The following GNAT3 variants were observed in gnomAD, a reference collection of about 807,000 sequenced individuals.
The protein encoded by GNAT3 is G protein subunit alpha transducin 3.
A neutral mutation model predicts 37.7 loss-of-function variants in GNAT3; 31 were observed. That is an observed-to-expected ratio of 0.82 (90% CI 0.62 to 1.11). The LOEUF (loss-of-function observed/expected upper bound fraction) is 1.11, where lower values mean the gene tolerates loss of function less well. Among genes scored for constraint, GNAT3 ranks in the 50% most tolerant of loss-of-function variants. GNAT3 has a pLI of 0.00. For missense variants in GNAT3, 437 were observed against 412.5 expected (o/e 1.06, Z -0.51); for synonymous variants, 138 against 139.8 (o/e 0.99, Z 0.09).
intron 1 of GNAT3, among the ~76,000 whole-genome samples, chr7:80,502,649 A>AT (rs963990279): frequency 6.6e-6 from 1 of 152,002 alleles, no homozygotes; most frequent in Non-Finnish European, 1.5e-5. Context: ...TACTAGAGTT[A>AT]TCCCTCCTAA....
At chr7:80,482,321 A>G (rs893484677) in intron 3 of GNAT3, among the ~76,000 whole-genome samples, 4 of 152,120 alleles carry the variant, frequency 2.6e-5, no homozygotes, top group Admixed American at 6.6e-5. Flanking sequence ...TCCTTCCACT[A>G]TTAAAGTGCT....
intron 2 of GNAT3, among the ~76,000 whole-genome samples, chr7:80,489,093 T>G (rs1584185598): frequency 6.6e-6 from 1 of 152,210 alleles, no homozygotes; most frequent in East Asian, 1.9e-4. Flanking sequence ...CATTCATGAC[T>G]TTTCCTATCA....
intron 1 of GNAT3, among the ~76,000 whole-genome samples, chr7:80,498,076 A>G (rs149526360): frequency 2.0e-5 from 3 of 152,208 alleles, no homozygotes; most frequent in African/African-American, 4.8e-5. Context: ...TTTATTCACT[A>G]TATGTTATTG....
Position 80,458,645 on chromosome 7 carries a change from G to C in GNAT3, c.*26C>G. 3.0e-6 allele frequency: 4 copies of C among 1,346,398 alleles called. No homozygotes were observed. The highest frequency in any genetic ancestry group is 4.1e-6 in the Non-Finnish European group (4 of 987,294). 83.4% of individuals were successfully genotyped at this position (1,346,398 alleles called of 1,614,324 possible). ...TTTATATTTTGAAAAGCATACATGA[G>C]CAAGAGTGGAAGAGAAAATAGTTGA... On this transcript the variant is annotated 3_prime_UTR_variant, in exon 8 of 8. Transcript: ENST00000398291.
Position 80,469,992 on chromosome 7 carries a change from A to G in GNAT3, c.590+4259T>C, listed in dbSNP as rs116314374. Among the ~76,000 whole-genome samples the G allele has an allele frequency of 8.0e-3, 1,224 of 152,276 alleles. 32 individuals are homozygous for G. The highest frequency in any genetic ancestry group is 0.066 in the East Asian group (344 of 5,176). ...GATATTTTAAAATATTTTGTAACAA[A>G]ATTTAAATATTTCCAAATTTTATTG... On this transcript the variant is annotated intron_variant, in intron 5 of 7. Transcript: ENST00000398291.
intron 2 of GNAT3, among the ~76,000 whole-genome samples, chr7:80,491,104 G>GA (rs1790582987): frequency 6.6e-6 from 1 of 152,124 alleles, no homozygotes; most frequent in Admixed American, 6.6e-5. Context: ...GAAGAGAAGG[G>GA]AGGTAGAAGC....
Position 80,494,637 on chromosome 7 carries a change from T to A in GNAT3, c.129A>T (p.Glu43Asp). The A allele has an allele frequency of 2.6e-6, 4 of 1,526,648 alleles. 1 individual carries two copies. The South Asian group carries it at 4.7e-5, about 18-fold the overall frequency. 94.6% of individuals were successfully genotyped at this position (1,526,648 alleles called of 1,614,324 possible). A position where few individuals can be genotyped will look rare whatever the true frequency, so the allele number is the denominator to read the frequency against. ...GTTTAACAATAGTACTTTTCCCAGA[T>A]TCTCCTGCTCCTGCAACATAAAAAG... is the stretch of plus-strand genomic sequence containing the variant. ...TVKLLLLGAG[E>D]SGKSTIVKQM... Residue 43 changes from glutamate (E) to aspartate (D), a missense_variant, in exon 2 of 8, where the codon GAA becomes GAT. Glu to Asp is a conservative substitution (Grantham distance 45). Coordinates refer to ENST00000398291, the MANE Select transcript of GNAT3 (RefSeq NM_001102386.3).
At chr7:80,473,291 T>A (rs1236483886) in intron 5 of GNAT3, among the ~76,000 whole-genome samples, 3 of 152,176 alleles carry the variant, frequency 2.0e-5, no homozygotes. Flanking sequence ...CCGTATTAGT[T>A]GAAAATATAC....
Position 80,463,329 on chromosome 7 carries a change from T to A in GNAT3, c.591-698A>T, listed in dbSNP as rs139616173. Among the ~76,000 whole-genome samples the A allele has an allele frequency of 6.8e-3, 1,032 of 152,214 alleles. 9 individuals are homozygous for A. Among genetic ancestry groups the A allele is most frequent in the African/African-American group, 0.024 (996 of 41,552 alleles). ...TCTACTTTTATATTTTGGTAAGAGA[T>A]CATTGTGGATCGAGGACTCAATTTT... On this transcript the variant is annotated intron_variant, in intron 5 of 7. Transcript: ENST00000398291.
At chr7:80,471,358 G>A (rs181933556) in intron 5 of GNAT3, among the ~76,000 whole-genome samples, 86 of 151,542 alleles carry the variant, frequency 5.7e-4, no homozygotes, top group African/African-American at 1.5e-3. Context: ...TTTATCCTTC[G>A]ATCCAATTAA....
At chr7:80,466,059 C>T (rs929311232) in intron 5 of GNAT3, among the ~76,000 whole-genome samples, 1 of 152,010 alleles carries the variant, frequency 6.6e-6, no homozygotes, top group Non-Finnish European at 1.5e-5. Flanking sequence ...TTCCATAGTC[C>T]TAATCTCTTT....
At chr7:80,493,133 AT>A (rs1455198606) in intron 2 of GNAT3, among the ~76,000 whole-genome samples, 1 of 151,870 alleles carries the variant, frequency 6.6e-6, no homozygotes, top group Non-Finnish European at 1.5e-5. Flanking sequence ...TAAAAGTTTT[AT>A]TTTTTACGCA....
At chr7:80,486,620 CT>C (rs1790488241) in intron 3 of GNAT3, 1 of 116,044 alleles carries the variant, frequency 8.6e-6, no homozygotes, top group Non-Finnish European at 1.8e-5. Flanking sequence ...ATTTTTTTTT[CT>C]TTTTCTTTTC....
chr7:80,494,525 A>G, intron 2 of GNAT3, 80 bp downstream of exon 2: 1 of 765,868 alleles, frequency 1.3e-6, no homozygotes, highest in Admixed American at 2.6e-5. Flanking sequence ...ATCAGCATTT[A>G]CAAAAGCATG....
At chr7:80,460,009 C>A (rs73386744) in intron 7 of GNAT3, among the ~76,000 whole-genome samples, 3 of 152,166 alleles carry the variant, frequency 2.0e-5, no homozygotes, top group Non-Finnish European at 4.4e-5. Flanking sequence ...CTTATGTCTA[C>A]ACAGAAGCTT....
intron 5 of GNAT3, among the ~76,000 whole-genome samples, chr7:80,467,494 G>A (rs956799488): frequency 1.3e-5 from 2 of 151,978 alleles, no homozygotes; most frequent in Non-Finnish European, 2.9e-5. Flanking sequence ...TCTAAGACTA[G>A]TTACATTTTG....
At chr7:80,474,136 G>C in intron 5 of GNAT3, 115 bp downstream of exon 5, 1 of 963,946 alleles carries the variant, frequency 1.0e-6, no homozygotes, top group Non-Finnish European at 1.6e-6. Flanking sequence ...ACTAGAGCTA[G>C]TGAGTACATC....
At chr7:80,473,426 A>C (rs2116159861) in intron 5 of GNAT3, among the ~76,000 whole-genome samples, 1 of 152,236 alleles carries the variant, frequency 6.6e-6, no homozygotes, top group East Asian at 1.9e-4. Flanking sequence ...TTTCCTCACG[A>C]ATGGATATGA....
intron 5 of GNAT3, among the ~76,000 whole-genome samples, chr7:80,473,878 G>A (rs992002288): frequency 6.6e-6 from 1 of 152,110 alleles, no homozygotes; most frequent in Admixed American, 6.6e-5. Context: ...AATATTTCAA[G>A]CAAATAGGAA....
Sources: allele counts gnomAD v4.1 joint callset (sites outside exome capture counted in the v4.1 genomes callset), GRCh38; gene constraint gnomAD v4.1.1; transcripts MANE v1.5; gene names NCBI Gene and HGNC (gene_info 2026-07-23, HGNC 2026-07-21).